The following LSAMP variants were observed in gnomAD, a reference collection of about 807,000 sequenced individuals.
LSAMP encodes limbic system-associated membrane protein.
Under a neutral mutation model 38.6 loss-of-function variants are expected in LSAMP, and 7 were observed. The ratio of observed to expected loss-of-function variants is 0.18; its 90% CI spans 0.10 to 0.34. The LOEUF (loss-of-function observed/expected upper bound fraction) is 0.34, where lower values mean the gene tolerates loss of function less well. Ranked by LOEUF, LSAMP falls within the 10% of genes least tolerant of loss-of-function variation. The pLI is 1.00. For synonymous variants in LSAMP, 154 were observed against 166.8 expected, an observed-to-expected ratio of 0.92 and a Z score of 0.59; for missense variants, 313 against 420.0, an observed-to-expected ratio of 0.75 and a Z score of 2.23.
chr3:116,147,512 ACT>A (rs755191265), intron 1 of LSAMP, among the ~76,000 whole-genome samples: 1 of 151,788 alleles, frequency 6.6e-6, no homozygotes, highest in African/African-American at 2.4e-5. Flanking sequence ...ATTTTTGGTG[ACT>A]CTATCCTGGT....
rs561379456 is a variant in LSAMP, at chr3:116,266,067, GCTGA to G, written c.155+178806_155+178809del. Among the ~76,000 whole-genome samples, 24 of 151,926 alleles carry G rather than the reference GCTGA, an allele frequency of 1.6e-4. No homozygotes were observed. In the East Asian group the frequency reaches 4.1e-3, roughly 26 times the overall value. On this transcript the variant is annotated intron_variant, in intron 1 of 6. Transcript: ENST00000490035. ...CTTTATTTTCTCCCCTTGAGAATTT[GCTGA>G]CTATTTTGTCCCCAGGGTCACAATT...
At chr3:116,217,231 T>C (rs932572494) in intron 1 of LSAMP, among the ~76,000 whole-genome samples, 1 of 152,174 alleles carries the variant, frequency 6.6e-6, no homozygotes, top group Non-Finnish European at 1.5e-5. Context: ...CTCAAGGATT[T>C]ATGGCGTTTT....
At position 116,031,538 on chromosome 3, in the gene LSAMP, C is replaced by CTTTTTTTTTTTTT. The variant is rs56951507; in HGVS notation, c.389-11911_389-11899dup. 1.5e-4 allele frequency among the ~76,000 whole-genome samples: 9 copies of CTTTTTTTTTTTTT among 60,276 alleles called. 1 individual carries two copies. Among genetic ancestry groups the CTTTTTTTTTTTTT allele is most frequent in the Admixed American group, 2.3e-4 (1 of 4,302 alleles). The allele number at this position is 60,276 out of a possible 152,430, so 39.5% of individuals were successfully genotyped here. A position where few individuals can be genotyped will look rare whatever the true frequency, so the allele number is the denominator to read the frequency against. Reference sequence around the variant, plus strand: ...CATGCCTACATAACTAGCCTAAATTCTTTTTTTTTTTTTTTTTTTTTTTTT... The same window carrying CTTTTTTTTTTTTT: ...CATGCCTACATAACTAGCCTAAATTCTTTTTTTTTTTTTTTTTTTTTTTTTTTTTTTTTTTTTT... On this transcript the variant is annotated intron_variant, in intron 2 of 6. Transcript: ENST00000490035.
chr3:116,156,151 C>T (rs1334718197), intron 1 of LSAMP, among the ~76,000 whole-genome samples: 3 of 151,982 alleles, frequency 2.0e-5, no homozygotes, highest in African/African-American at 7.3e-5. Context: ...TTCAGAGTCC[C>T]CAGGCAGGGG....
intron 1 of LSAMP, among the ~76,000 whole-genome samples, chr3:116,358,652 T>G (rs2048258555): frequency 6.6e-6 from 1 of 152,188 alleles, no homozygotes; most frequent in African/African-American, 2.4e-5. Flanking sequence ...TTAATATGAC[T>G]GATTTACTAG....
chr3:116,403,491 A>G (rs1411646311), intron 1 of LSAMP, among the ~76,000 whole-genome samples: 4 of 152,252 alleles, frequency 2.6e-5, no homozygotes, highest in Non-Finnish European at 5.9e-5. Context: ...ACATTCTTAA[A>G]AAGAAAAAAA....
intron 1 of LSAMP, among the ~76,000 whole-genome samples, chr3:116,377,264 G>T (rs960432290): frequency 6.6e-6 from 1 of 151,766 alleles, no homozygotes; most frequent in African/African-American, 2.4e-5. Flanking sequence ...AGTGTATGTT[G>T]TTCCCCTCCC....
At chr3:116,094,053 T>A (rs1363062990) in intron 1 of LSAMP, among the ~76,000 whole-genome samples, 1 of 152,206 alleles carries the variant, frequency 6.6e-6, no homozygotes. Flanking sequence ...TCTGGTTTTA[T>A]AACATTATTT....
chr3:116,358,507 C>T (rs1326441450), intron 1 of LSAMP, among the ~76,000 whole-genome samples: 1 of 152,106 alleles, frequency 6.6e-6, no homozygotes, highest in Non-Finnish European at 1.5e-5. Context: ...CCCCTCCCCA[C>T]ACTTGGACGG....
At chr3:116,016,895 T>C (rs1187222395) in intron 3 of LSAMP, among the ~76,000 whole-genome samples, 6 of 152,164 alleles carry the variant, frequency 3.9e-5, no homozygotes, top group East Asian at 1.9e-4. Context: ...ATTTGATACA[T>C]AGGCTGTGGT....
chr3:115,944,517 A>T (rs2107565277), intron 3 of LSAMP, among the ~76,000 whole-genome samples: 1 of 152,268 alleles, frequency 6.6e-6, no homozygotes, highest in South Asian at 2.1e-4. Flanking sequence ...CCGAGGTCCT[A>T]GTGTAACTTG....
chr3:115,849,049 C>A (rs1181307630), intron 4 of LSAMP, among the ~76,000 whole-genome samples: 2 of 152,098 alleles, frequency 1.3e-5, no homozygotes, highest in South Asian at 2.1e-4. Context: ...GCACCTAGAA[C>A]CTGCAATGAA....
chr3:116,255,318 G>C (rs2046735362), intron 1 of LSAMP, among the ~76,000 whole-genome samples: 2 of 152,180 alleles, frequency 1.3e-5, no homozygotes, highest in African/African-American at 4.8e-5. Flanking sequence ...TGGCCAGAGA[G>C]CTGCAAAATC....
intron 3 of LSAMP, among the ~76,000 whole-genome samples, chr3:116,014,381 T>C (rs531513799): frequency 3.3e-4 from 50 of 152,274 alleles, no homozygotes; most frequent in African/African-American, 9.9e-4. Flanking sequence ...TAATTCTGTA[T>C]TGATGGATGA....
chr3:116,003,150 A>G (rs964978435), intron 3 of LSAMP, among the ~76,000 whole-genome samples: 15 of 152,152 alleles, frequency 9.9e-5, no homozygotes, highest in Non-Finnish European at 1.9e-4. Context: ...CTATGATAGC[A>G]TCATTTTGTA....
chr3:115,946,364 A>T (rs1938096972), intron 3 of LSAMP, among the ~76,000 whole-genome samples: 1 of 152,164 alleles, frequency 6.6e-6, no homozygotes, highest in Admixed American at 6.5e-5. Context: ...TTACCAAAGC[A>T]GCCAAGGCGT....
At chr3:115,866,232 C>T (rs1011153773) in intron 3 of LSAMP, among the ~76,000 whole-genome samples, 6 of 151,892 alleles carry the variant, frequency 4.0e-5, no homozygotes, top group Admixed American at 6.6e-5. Context: ...TCCTCATTTG[C>T]CTACCAGTTC....
At chr3:116,231,575 C>A (rs895302781) in intron 1 of LSAMP, among the ~76,000 whole-genome samples, 11 of 152,094 alleles carry the variant, frequency 7.2e-5, no homozygotes, top group African/African-American at 2.4e-4. Context: ...AAAAACGTAA[C>A]CCTTGTCTTC....
rs1192156411 is a variant in LSAMP at position 116,304,546 on chromosome 3, T to G, written c.155+140331A>C. On this transcript the variant is annotated intron_variant, in intron 1 of 6. Coordinates refer to ENST00000490035, the MANE Select transcript of LSAMP (RefSeq NM_002338.5). Reference sequence around the variant, plus strand: ...GCAGAGACATGGGAAAGGAAACAACTGAGCTGGGAAGCGTGGGTCAGGATG... The same window carrying G: ...GCAGAGACATGGGAAAGGAAACAACGGAGCTGGGAAGCGTGGGTCAGGATG... 2.6e-5 allele frequency among the ~76,000 whole-genome samples: 4 copies of G among 152,080 alleles called. No homozygotes were observed. In the East Asian group the frequency reaches 5.8e-4, roughly 22 times the overall value.
Sources: allele counts gnomAD v4.1 joint callset (sites outside exome capture counted in the v4.1 genomes callset), GRCh38; gene constraint gnomAD v4.1.1; transcripts MANE v1.5; gene names NCBI Gene and HGNC (gene_info 2026-07-23, HGNC 2026-07-21).